KCNH5: variants seen among roughly 807,000 people sequenced by gnomAD.
KCNH5 encodes the protein voltage-gated delayed rectifier potassium channel KCNH5.
Under a neutral mutation model 96.1 loss-of-function variants are expected in KCNH5, and 46 were observed. That is an observed-to-expected ratio of 0.48 (90% confidence interval 0.38 to 0.61). The LOEUF is 0.61. Ranked by LOEUF, KCNH5 falls within the 20% of genes least tolerant of loss-of-function variation. KCNH5 has a pLI of 0.00. For missense variants in KCNH5, 907 were observed against 1,225.8 expected, an observed-to-expected ratio of 0.74 and a Z score of 3.88; for synonymous variants, 439 against 449.8, an observed-to-expected ratio of 0.98 and a Z score of 0.30.
At chr14:62,747,382 C>CTGGGTT (rs2139941115) in intron 10 of KCNH5, among the ~76,000 whole-genome samples, 1 of 151,860 alleles carries the variant, frequency 6.6e-6, no homozygotes, top group South Asian at 2.1e-4. Flanking sequence ...TACAAAATTA[C>CTGGGTT]TGGGTTAATA....
intron 2 of KCNH5, among the ~76,000 whole-genome samples, chr14:63,008,946 T>C (rs1891176353): frequency 6.6e-6 from 1 of 152,108 alleles, no homozygotes; most frequent in African/African-American, 2.4e-5. Context: ...TTACTAACTT[T>C]TATTTTTAAT....
intron 9 of KCNH5, among the ~76,000 whole-genome samples, chr14:62,799,611 C>T (rs1206811936): frequency 2.4e-5 from 3 of 124,354 alleles, no homozygotes; most frequent in Non-Finnish European, 1.7e-5. Context: ...GAAAAAAATA[C>T]ATAAAGTTAT....
intron 8 of KCNH5, among the ~76,000 whole-genome samples, chr14:62,812,924 C>A (rs1031656198): frequency 6.6e-6 from 1 of 152,044 alleles, no homozygotes; most frequent in Non-Finnish European, 1.5e-5. Context: ...AAATTTCAAT[C>A]CTTGTACAAT....
At chr14:63,009,307 A>G (rs966103240) in intron 2 of KCNH5, among the ~76,000 whole-genome samples, 1 of 152,212 alleles carries the variant, frequency 6.6e-6, no homozygotes, top group Admixed American at 6.5e-5. Flanking sequence ...GATGCAGCTC[A>G]ACTTCTGAAG....
chr14:63,006,542 T>A lies in KCNH5; in HGVS notation c.198-70A>T, dbSNP rs1013682264. The stretch of plus-strand genomic sequence containing the variant: ...CCTTTCAAATGCTACAAAAATCATA[T>A]AATTGTCTTTGACTAGTCAAATGTG... On this transcript the variant is annotated intron_variant, in intron 2 of 10. Coordinates refer to ENST00000322893, the MANE Select transcript of KCNH5 (RefSeq NM_139318.5). 3.4e-6 allele frequency: 3 copies of A among 888,822 alleles called. No homozygotes were observed. In the Admixed American group the frequency reaches 5.6e-5, roughly 17 times the overall value. 55.1% of individuals were successfully genotyped at this position (888,822 alleles called of 1,614,324 possible).
At chr14:62,867,200 G>A (rs1358108328) in intron 7 of KCNH5, among the ~76,000 whole-genome samples, 1 of 152,170 alleles carries the variant, frequency 6.6e-6, no homozygotes, top group Non-Finnish European at 1.5e-5. Context: ...ATGGGAGGCT[G>A]CAAAAGGTAG....
chr14:62,743,291 T>C (rs912103871), intron 10 of KCNH5, among the ~76,000 whole-genome samples: 3 of 152,204 alleles, frequency 2.0e-5, no homozygotes, highest in Non-Finnish European at 4.4e-5. Context: ...TAGATATCTC[T>C]TTTTCTAAGT....
chr14:62,927,190 A>G (rs1193500494), intron 7 of KCNH5, among the ~76,000 whole-genome samples: 6 of 152,268 alleles, frequency 3.9e-5, no homozygotes, highest in African/African-American at 1.4e-4. Flanking sequence ...CAAAACTACA[A>G]TGAGATACTA....
chr14:63,028,230 C>A (rs1055227796), intron 1 of KCNH5, among the ~76,000 whole-genome samples: 1 of 152,056 alleles, frequency 6.6e-6, no homozygotes, highest in Admixed American at 6.6e-5. Context: ...CCCCATCATA[C>A]CATTTTCAAC....
chr14:62,713,816 A>G (rs978020492), intron 10 of KCNH5, among the ~76,000 whole-genome samples: 1 of 152,256 alleles, frequency 6.6e-6, no homozygotes, highest in Non-Finnish European at 1.5e-5. Context: ...CACTAAATGT[A>G]ATTAGGCCCT....
chr14:62,919,612 T>C lies in KCNH5; in HGVS notation c.1369+30521A>G, dbSNP rs185186153. 3.4e-3 allele frequency among the ~76,000 whole-genome samples: 518 copies of C among 152,154 alleles called. 2 individuals are homozygous for C. Among genetic ancestry groups the C allele is most frequent in the Middle Eastern group, 0.01 (3 of 294 alleles). On this transcript the variant is annotated intron_variant, in intron 7 of 10. Coordinates refer to ENST00000322893, the MANE Select transcript of KCNH5 (RefSeq NM_139318.5). Reference sequence around the variant, plus strand: ...AAAATATGGGTAATAATAACACTTATCTAGTAAGATTACTATTAGGATGAA... The same window carrying C: ...AAAATATGGGTAATAATAACACTTACCTAGTAAGATTACTATTAGGATGAA...
At chr14:63,029,121 ACTGCTTTTACCATTT>A (rs1053999059) in intron 1 of KCNH5, among the ~76,000 whole-genome samples, 1 of 152,130 alleles carries the variant, frequency 6.6e-6, no homozygotes, top group African/African-American at 2.4e-5. Context: ...AAACATGAAA[ACTGCTTTTACCATTT>A]CTGAACGTTT....
intron 7 of KCNH5, among the ~76,000 whole-genome samples, chr14:62,897,733 T>C (rs1888843345): frequency 6.6e-6 from 1 of 152,106 alleles, no homozygotes; most frequent in South Asian, 2.1e-4. Context: ...AAATGAAAAA[T>C]GAAACTATTT....
At position 62,702,062 on chromosome 14, in the gene KCNH5, A is replaced by C. The variant is rs1011150402; in HGVS notation, c.*5446T>G. 1 of 152,130 alleles carries C rather than the reference A, an allele frequency of 6.6e-6. No homozygotes were observed. Among genetic ancestry groups the C allele is most frequent in the Non-Finnish European group, 1.5e-5 (1 of 67,978 alleles). The allele number at this position is 152,130 out of a possible 1,614,324, so 9.4% of individuals were successfully genotyped here. A position where few individuals can be genotyped will look rare whatever the true frequency, so the allele number is the denominator to read the frequency against. On this transcript the variant is annotated 3_prime_UTR_variant, in exon 11 of 11. Transcript: ENST00000322893. ...AAAAGAAAAAGAAATTATAGAAAAA[A>C]AATCCTGAATGACTCTTGCTTTCCT...
chr14:62,881,039 G>A (rs555202774), intron 7 of KCNH5, among the ~76,000 whole-genome samples: 4 of 152,268 alleles, frequency 2.6e-5, no homozygotes, highest in African/African-American at 9.6e-5. Context: ...ACCTAAATCG[G>A]TCACTTTTCA....
At chr14:62,916,565 C>T (rs1257225033) in intron 7 of KCNH5, among the ~76,000 whole-genome samples, 1 of 152,164 alleles carries the variant, frequency 6.6e-6, no homozygotes, top group Admixed American at 6.5e-5. Context: ...GTTTGTTGTG[C>T]CATTGACGTG....
intron 10 of KCNH5, among the ~76,000 whole-genome samples, chr14:62,731,692 A>G (rs1193158392): frequency 6.6e-6 from 1 of 152,240 alleles, no homozygotes; most frequent in Admixed American, 6.5e-5. Context: ...GAATGCCACC[A>G]TTGCCACAGG....
chr14:62,953,278 C>T lies in KCNH5; in HGVS notation c.943-2719G>A, dbSNP rs573863868. 2.6e-4 allele frequency among the ~76,000 whole-genome samples: 39 copies of T among 152,154 alleles called. 1 individual carries two copies. In the East Asian group the frequency reaches 7.4e-3, roughly 29 times the overall value. ...TTTTTAGCCAACCCTCCAACTGACG[C>T]CCTCTCAAAATCACTTTCCAGGGCT... On this transcript the variant is annotated intron_variant, in intron 6 of 10. Transcript: ENST00000322893.
intron 8 of KCNH5, among the ~76,000 whole-genome samples, chr14:62,839,499 C>T (rs1255914225): frequency 6.6e-6 from 1 of 152,126 alleles, no homozygotes; most frequent in African/African-American, 2.4e-5. Context: ...GGATAATGCC[C>T]TCAAAGGCAG....
Sources: allele counts gnomAD v4.1 joint callset (sites outside exome capture counted in the v4.1 genomes callset), GRCh38; gene constraint gnomAD v4.1.1; transcripts MANE v1.5; gene names NCBI Gene and HGNC (gene_info 2026-07-23, HGNC 2026-07-21).